The following COPB1 variants were observed in gnomAD, a reference collection of about 807,000 sequenced individuals.
The protein encoded by COPB1 is coatomer subunit beta.
A neutral mutation model predicts 108.7 loss-of-function variants in COPB1; 21 were observed. That is an observed-to-expected ratio of 0.19 (90% CI 0.14 to 0.28). The LOEUF is 0.28. COPB1 is among the 10% of genes least tolerant of loss of function. The pLI is 1.00. For missense variants in COPB1, 919 were observed against 1,141.3 expected (o/e 0.81, Z 2.81); for synonymous variants, 378 against 386.8 (o/e 0.98, Z 0.27).
At chr11:14,473,195 G>C (rs997816327) in intron 14 of COPB1, among the ~76,000 whole-genome samples, 4 of 152,084 alleles carry the variant, frequency 2.6e-5, no homozygotes, top group Non-Finnish European at 5.9e-5. Context: ...GGCTGGTCTC[G>C]AACTCCTGAC....
intron 6 of COPB1, among the ~76,000 whole-genome samples, chr11:14,487,678 A>C (rs148346426): frequency 1.8e-3 from 277 of 151,786 alleles, no homozygotes; most frequent in African/African-American, 6.2e-3. Flanking sequence ...CTGCCCAAAA[A>C]AAACAAAAAA....
chr11:14,486,375 C>T lies in COPB1; in HGVS notation c.829G>A (p.Ala277Thr). 6.2e-7 allele frequency: 1 copy of T among 1,614,028 alleles called. No homozygotes were observed. The highest frequency in any genetic ancestry group is 8.5e-7 in the Non-Finnish European group (1 of 1,179,982). The change falls in exon 7 of 22, where the codon GCA becomes ACA. Residue 277 changes from alanine to threonine, a missense_variant. By Grantham distance (58) the Ala-to-Thr change is moderately conservative (BLOSUM62 0). This residue lies in a region of COPB1 where 705 missense variants were observed against 817.8 expected (regional missense o/e 0.86). Transcript: ENST00000439561. ...TLVTLSSAPT[A>T]IKAAAQCYID... ...AAAGAAATACACAGTACCTTGATTG[C>T]AGTTGGTGCACTAGAGAGTGTCACT...
intron 19 of COPB1, 145 bp downstream of exon 19, chr11:14,461,041 C>T (rs1395736401): frequency 1.0e-6 from 1 of 986,764 alleles, no homozygotes; most frequent in Admixed American, 2.5e-5. Flanking sequence ...TTAGTTAAGG[C>T]TAATTTGCAA....
At chr11:14,474,390 T>C (rs1850471562) in intron 14 of COPB1, 105 bp downstream of exon 14, 2 of 1,008,096 alleles carry the variant, frequency 2.0e-6, no homozygotes, top group Middle Eastern at 2.4e-4. Context: ...ATAAACTCTT[T>C]CATGACAGAA....
chr11:14,477,854 G>A (rs1043307522), intron 11 of COPB1, among the ~76,000 whole-genome samples: 1 of 146,140 alleles, frequency 6.8e-6, no homozygotes, highest in East Asian at 2.0e-4. Context: ...CCGAGATCGC[G>A]CCACTGCACT....
intron 10 of COPB1, among the ~76,000 whole-genome samples, chr11:14,480,228 C>CT (rs1205820525): frequency 6.6e-6 from 1 of 152,114 alleles, no homozygotes; most frequent in Non-Finnish European, 1.5e-5. Flanking sequence ...TTAAAATTCA[C>CT]TATAAAAGAT....
rs1305015324 is a variant in COPB1 at position 14,488,548 on chromosome 11, G to C, written c.643C>G (p.Gln215Glu). ...ALDYLSTCID[Q>E]VQTFGDILQL... ...AGAATGTCTCCAAATGTTTGAACTTGATCAATGCAAGTACTTAAGTAATCC... is the reference window on the plus strand; with the variant it reads ...AGAATGTCTCCAAATGTTTGAACTTCATCAATGCAAGTACTTAAGTAATCC... Residue 215 changes from glutamine (Q) to glutamate (E), a missense_variant, in exon 6 of 22, where the codon CAA (glutamine) becomes GAA (glutamate). Physicochemically the swap from Gln to Glu is conservative, Grantham distance 29. Transcript: ENST00000439561. 1 of 1,607,268 alleles carries C rather than the reference G, an allele frequency of 6.2e-7. No homozygotes were observed. The highest frequency in any genetic ancestry group is 1.3e-5 in the African/African-American group (1 of 74,882).
At chr11:14,472,582 G>T (rs1400075744) in intron 14 of COPB1, among the ~76,000 whole-genome samples, 1 of 152,192 alleles carries the variant, frequency 6.6e-6, no homozygotes, top group Non-Finnish European at 1.5e-5. Flanking sequence ...CTTCTCTCTA[G>T]CTACCAAAGT....
chr11:14,465,240 T>C (rs1002001215), intron 17 of COPB1, among the ~76,000 whole-genome samples: 3 of 152,216 alleles, frequency 2.0e-5, no homozygotes, highest in African/African-American at 7.2e-5. Flanking sequence ...ATCCTTATTA[T>C]TCACCATCAA....
chr11:14,466,263 G>T lies in COPB1; in HGVS notation c.2290+19C>A. ...TCTACTATGTGACAATCTCTTTCCT[G>T]AATGGTAAGTTTCCTCACCTAGTGT... On this transcript the variant is annotated intron_variant, in intron 17 of 21. Transcript: ENST00000439561. 1 of 1,611,076 alleles carries T rather than the reference G, an allele frequency of 6.2e-7. No homozygotes were observed. The highest frequency in any genetic ancestry group is 1.1e-5 in the South Asian group (1 of 90,886).
At chr11:14,473,760 T>C (rs1308215520) in intron 14 of COPB1, among the ~76,000 whole-genome samples, 1 of 151,168 alleles carries the variant, frequency 6.6e-6, no homozygotes, top group Non-Finnish European at 1.5e-5. Context: ...CACAGAGATA[T>C]GAAGTGAGCA....
chr11:14,475,672 A>G, intron 13 of COPB1, 113 bp downstream of exon 13: 1 of 1,145,490 alleles, frequency 8.7e-7, no homozygotes, highest in Non-Finnish European at 1.2e-6. Flanking sequence ...TTAAATGGCA[A>G]AGATTTTCAT....
chr11:14,491,131 C>T (rs1850892273), intron 4 of COPB1, among the ~76,000 whole-genome samples: 1 of 151,734 alleles, frequency 6.6e-6, no homozygotes, highest in Non-Finnish European at 1.5e-5. Context: ...CTGCAACCTC[C>T]GCCTTCTAGG....
At chr11:14,477,486 G>A (rs1433787232) in intron 11 of COPB1, among the ~76,000 whole-genome samples, 1 of 151,642 alleles carries the variant, frequency 6.6e-6, no homozygotes, top group Non-Finnish European at 1.5e-5. Context: ...GAGCCCAGGA[G>A]CTCAAAACCA....
rs1224891694 is a variant in COPB1 at position 14,470,930 on chromosome 11, ACACACACACACACACTCT to A, written c.1738-1385_1738-1368del. On this transcript the variant is annotated intron_variant, in intron 14 of 21. Coordinates refer to ENST00000439561, the MANE Select transcript of COPB1 (RefSeq NM_001144061.2). Reference sequence around the variant, plus strand: ...CACACACACACACACACACACACACACACACACACACACACTCTCTCTCTCTCTACACCCAGGGAGATA... The same window carrying A: ...CACACACACACACACACACACACACACTCTCTCTCTACACCCAGGGAGATA... Among the ~76,000 whole-genome samples, 214 of 118,052 alleles carry A rather than the reference ACACACACACACACACTCT, an allele frequency of 1.8e-3. 1 individual carries two copies. The highest frequency in any genetic ancestry group is 7.5e-3 in the African/African-American group (206 of 27,636). 77.4% of individuals were successfully genotyped at this position (118,052 alleles called of 152,430 possible).
intron 3 of COPB1, 66 bp downstream of exon 3, chr11:14,494,144 G>A (rs914847581): frequency 3.7e-5 from 40 of 1,089,630 alleles, no homozygotes; most frequent in Non-Finnish European, 5.0e-5. Flanking sequence ...TTAAAACACA[G>A]CCCATTCTAC....
chr11:14,479,432 G>T, intron 11 of COPB1, 137 bp downstream of exon 11: 1 of 717,794 alleles, frequency 1.4e-6, no homozygotes, highest in Non-Finnish European at 2.2e-6. Context: ...TGGAGTTAGC[G>T]AGATGCTTGT....
intron 4 of COPB1, among the ~76,000 whole-genome samples, chr11:14,491,641 C>T (rs1036082908): frequency 2.1e-5 from 3 of 145,270 alleles, no homozygotes; most frequent in African/African-American, 7.8e-5. Context: ...TGCACTCGAG[C>T]CTGGGCGACA....
At chr11:14,471,598 T>C (rs956467660) in intron 14 of COPB1, among the ~76,000 whole-genome samples, 1 of 152,220 alleles carries the variant, frequency 6.6e-6, no homozygotes, top group African/African-American at 2.4e-5. Flanking sequence ...TTTATGGCTT[T>C]TCTTATAATG....
Sources: gnomAD v4.1 joint callset for allele counts (sites outside exome capture counted in the v4.1 genomes callset) on GRCh38, gnomAD v4.1.1 for gene constraint, gnomAD v4.1.1 regional missense constraint, MANE v1.5 for transcripts, NCBI Gene and HGNC (gene_info 2026-07-23, HGNC 2026-07-21) for gene names.